TMEM131: variants seen among roughly 807,000 people sequenced by gnomAD.
TMEM131 encodes the protein 2610524E03Rik.
TMEM131 carries 66 observed loss-of-function variants against 211.6 expected under a neutral mutation model. The ratio of observed to expected loss-of-function variants is 0.31; its 90% CI spans 0.26 to 0.38. The LOEUF is 0.38. Among genes scored for constraint, TMEM131 ranks in the 10% least tolerant of loss-of-function variants. TMEM131 has a pLI of 1.00. For missense variants in TMEM131, 2,036 were observed against 2,299.3 expected, an observed-to-expected ratio of 0.89 and a Z score of 2.34; for synonymous variants, 844 against 841.3, an observed-to-expected ratio of 1.00 and a Z score of -0.06.
intron 2 of TMEM131, among the ~76,000 whole-genome samples, chr2:97,909,721 T>C (rs906692183): frequency 2.0e-5 from 3 of 152,204 alleles, no homozygotes; most frequent in Non-Finnish European, 4.4e-5. Flanking sequence ...ACTGTCCTAA[T>C]TTTTTCAAGA....
rs1398307314 is a variant in TMEM131 at position 97,812,647 on chromosome 2, G to T, written c.1720C>A (p.Pro574Thr). ...TAAAAACAGGTTTTTACCTCAATTGGATTGCTGTTTATAATTGCAAATAAA... is the reference window on the plus strand; with the variant it reads ...TAAAAACAGGTTTTTACCTCAATTGTATTGCTGTTTATAATTGCAAATAAA... The part of the protein sequence containing the change: ...NILFAIINSN[P>T]IELAIKSWHI... Residue 574 changes from proline to threonine, a missense_variant, in exon 16 of 41, where the codon CCA (proline) becomes ACA (threonine). Coordinates refer to ENST00000186436, the MANE Select transcript of TMEM131 (RefSeq NM_015348.2). 1 of 1,591,002 alleles carries T rather than the reference G, an allele frequency of 6.3e-7. No homozygotes were observed. Among genetic ancestry groups the T allele is most frequent in the Non-Finnish European group, 8.5e-7 (1 of 1,171,064 alleles).
In TMEM131 at chr2:97,762,052, G is replaced by C; in HGVS notation, c.4872C>G (p.Val1624=). 2 of 1,577,032 alleles carry C rather than the reference G, an allele frequency of 1.3e-6. No individual in the cohort carries two copies. The highest frequency in any genetic ancestry group is 1.7e-6 in the Non-Finnish European group (2 of 1,166,848). ...AGGCCTACCTGCTGGAGCTGCTGTT[G>C]ACGATGCTGCTGTAGCTGCCCCGGG... ...FVARGSYSSI[V]NSSSSSDPKI... is the part of the protein sequence containing the mutation. Residue 1624 remains valine, a synonymous_variant, in exon 36 of 41, where the codon GTC becomes GTG. Coordinates refer to ENST00000186436, the MANE Select transcript of TMEM131 (RefSeq NM_015348.2).
intron 1 of TMEM131, among the ~76,000 whole-genome samples, chr2:97,941,876 G>C (rs900182751): frequency 2.6e-5 from 4 of 152,192 alleles, no homozygotes; most frequent in African/African-American, 9.7e-5. Flanking sequence ...CACTGTTGGT[G>C]GGACTGTAAA....
At chr2:97,759,572 T>G in intron 39 of TMEM131, 80 bp downstream of exon 39, 2 of 1,223,866 alleles carry the variant, frequency 1.6e-6, no homozygotes, top group Non-Finnish European at 2.4e-6. Context: ...TGCTGTGTTC[T>G]CCAGCACACA....
chr2:97,821,694 AC>A (rs1466903543), intron 11 of TMEM131, among the ~76,000 whole-genome samples: 1 of 152,112 alleles, frequency 6.6e-6, no homozygotes, highest in African/African-American at 2.4e-5. Context: ...GCACCACTGG[AC>A]CCCTTTCACT....
chr2:97,973,745 A>G (rs1212292175), intron 1 of TMEM131, among the ~76,000 whole-genome samples: 1 of 152,234 alleles, frequency 6.6e-6, no homozygotes, highest in Non-Finnish European at 1.5e-5. Flanking sequence ...AAAAAAATCC[A>G]GAACTCATGA....
At chr2:97,942,030 G>A (rs1038392036) in intron 1 of TMEM131, among the ~76,000 whole-genome samples, 1 of 152,122 alleles carries the variant, frequency 6.6e-6, no homozygotes, top group African/African-American at 2.4e-5. Flanking sequence ...GCACACATAT[G>A]TTTATTGTGG....
intron 2 of TMEM131, among the ~76,000 whole-genome samples, chr2:97,912,814 C>T (rs1486347514): frequency 1.3e-5 from 2 of 152,160 alleles, no homozygotes; most frequent in Non-Finnish European, 2.9e-5. Flanking sequence ...AATCTGAGCA[C>T]AGCTTCTCTC....
chr2:97,815,318 G>A lies in TMEM131; in HGVS notation c.1184-11C>T, dbSNP rs1444783780. 2 of 1,508,014 alleles carry A rather than the reference G, an allele frequency of 1.3e-6. No individual in the cohort carries two copies. The highest frequency in any genetic ancestry group is 1.8e-6 in the Non-Finnish European group (2 of 1,124,416). 93.4% of individuals were successfully genotyped at this position (1,508,014 alleles called of 1,614,324 possible). ...TTTTTGCCTTCGATGCTGAAAGGAA[G>A]CATAAAAAATAATCTCTGTTACCTT... On this transcript the variant is annotated splice_polypyrimidine_tract_variant and intron_variant, in intron 12 of 40. Transcript: ENST00000186436.
chr2:97,927,465 T>G lies in TMEM131; in HGVS notation c.210A>C (p.Ile70=). The change falls in exon 2 of 41, where the codon ATA becomes ATC. Residue 70 remains isoleucine (I), a synonymous_variant. Transcript: ENST00000186436. ...CATCATCAAAACGCAGTACTTCTAT[T>G]ATGCTCTCTGACTGAACGAATGCTG... ...EKEAFVQSES[I]IEVLRFDDGG... The G allele has an allele frequency of 6.3e-7, 1 of 1,590,774 alleles. No homozygotes were observed. The highest frequency in any genetic ancestry group is 8.6e-7 in the Non-Finnish European group (1 of 1,169,346).
intron 1 of TMEM131, among the ~76,000 whole-genome samples, chr2:97,966,947 C>A (rs1429178057): frequency 6.6e-6 from 1 of 152,110 alleles, no homozygotes; most frequent in Non-Finnish European, 1.5e-5. Flanking sequence ...CTTACGAAGA[C>A]AAGCCCTTGC....
At chr2:97,812,311 T>C in intron 17 of TMEM131, 110 bp downstream of exon 17, 1 of 1,239,176 alleles carries the variant, frequency 8.1e-7, no homozygotes, top group Non-Finnish European at 1.1e-6. Flanking sequence ...TAACCAACAC[T>C]ATTATGAACT....
chr2:97,766,642 T>C, intron 33 of TMEM131, 40 bp from the exon 34 acceptor site: 1 of 1,608,280 alleles, frequency 6.2e-7, no homozygotes, highest in Middle Eastern at 1.7e-4. Context: ...AATTTATTCC[T>C]CTGTTTTGGA....
chr2:97,986,278 T>A (rs1014871501), intron 1 of TMEM131, among the ~76,000 whole-genome samples: 1 of 152,166 alleles, frequency 6.6e-6, no homozygotes, highest in Admixed American at 6.5e-5. Context: ...AGATGTGAAT[T>A]GATTGCCTTT....
intron 1 of TMEM131, among the ~76,000 whole-genome samples, chr2:97,981,179 T>A (rs1313978085): frequency 1.3e-5 from 2 of 152,090 alleles, no homozygotes; most frequent in Non-Finnish European, 2.9e-5. Context: ...CTAGAGGTTT[T>A]CCTCATTCTT....
At chr2:97,852,576 C>T (rs549642444) in intron 5 of TMEM131, among the ~76,000 whole-genome samples, 6 of 152,164 alleles carry the variant, frequency 3.9e-5, no homozygotes, top group East Asian at 3.8e-4. Flanking sequence ...TAAAAGGGAT[C>T]GATTCATGAG....
chr2:97,872,314 A>G (rs1674521819), intron 4 of TMEM131, among the ~76,000 whole-genome samples: 1 of 152,088 alleles, frequency 6.6e-6, no homozygotes, highest in Admixed American at 6.5e-5. Context: ...TTGATATTCA[A>G]CTGTTGATAG....
At position 97,838,426 on chromosome 2, in the gene TMEM131, C is replaced by CTTTTTTTTTTTTTTTTTTTTT. The variant is rs753635047; in HGVS notation, c.724-1290_724-1270dup. Among the ~76,000 whole-genome samples the CTTTTTTTTTTTTTTTTTTTTT allele has an allele frequency of 4.5e-5, 4 of 89,092 alleles. 1 individual carries two copies. Among genetic ancestry groups the CTTTTTTTTTTTTTTTTTTTTT allele is most frequent in the East Asian group, 1.0e-3 (2 of 1,992 alleles). 58.4% of individuals were successfully genotyped at this position (89,092 alleles called of 152,430 possible). A position where few individuals can be genotyped will look rare whatever the true frequency, so the allele number is the denominator to read the frequency against. On this transcript the variant is annotated intron_variant, in intron 7 of 40. Transcript: ENST00000186436. Reference sequence around the variant, plus strand: ...AAAAATGGCAATTCTTAAGCTTAAACTTTTTTTTTTTTTTTTTTTTTTTTT... The same window carrying CTTTTTTTTTTTTTTTTTTTTT: ...AAAAATGGCAATTCTTAAGCTTAAACTTTTTTTTTTTTTTTTTTTTTTTTTTTTTTTTTTTTTTTTTTTTTT...
chr2:97,963,113 T>C (rs1678894683), intron 1 of TMEM131, among the ~76,000 whole-genome samples: 1 of 152,186 alleles, frequency 6.6e-6, no homozygotes, highest in South Asian at 2.1e-4. Flanking sequence ...TTTATGAAAC[T>C]AATCAAAATG....
Sources: gnomAD v4.1 joint callset for allele counts (sites outside exome capture counted in the v4.1 genomes callset) on GRCh38, gnomAD v4.1.1 for gene constraint, MANE v1.5 for transcripts, NCBI Gene and HGNC (gene_info 2026-07-23, HGNC 2026-07-21) for gene names.